The following CA5A variants were observed in gnomAD, a reference collection of about 807,000 sequenced individuals.
CA5A encodes carbonic anhydrase 5A.
In CA5A, 28 loss-of-function variants were observed where a neutral mutation model predicts 37.1. The ratio of observed to expected loss-of-function variants is 0.75; its 90% CI spans 0.56 to 1.03. CA5A has a LOEUF of 1.03. Ranked by LOEUF, CA5A falls within the 50% of genes least tolerant of loss-of-function variation. The pLI is 0.00. For synonymous variants in CA5A, 171 were observed against 158.4 expected (o/e 1.08, Z -0.60); for missense variants, 444 against 399.9 (o/e 1.11, Z -0.94).
At chr16:87,915,658 C>T (rs551899427) in intron 2 of CA5A, among the ~76,000 whole-genome samples, 4 of 116,724 alleles carry the variant, frequency 3.4e-5, no homozygotes, top group East Asian at 5.2e-4. Flanking sequence ...CACTGCACTG[C>T]AGCCTGGGCG....
intron 1 of CA5A, among the ~76,000 whole-genome samples, chr16:87,933,236 G>A (rs1320184985): frequency 1.3e-5 from 2 of 152,346 alleles, no homozygotes; most frequent in Admixed American, 1.3e-4. Flanking sequence ...GATTTCTAGG[G>A]TTTGCCAATG....
chr16:87,907,693 G>C (rs1047522857), intron 2 of CA5A, among the ~76,000 whole-genome samples: 2 of 152,182 alleles, frequency 1.3e-5, no homozygotes, highest in African/African-American at 4.8e-5. Context: ...GGGAGGCCAA[G>C]GTAGGCAGAT....
At chr16:87,888,422 A>C (rs2055668360) in intron 6 of CA5A, 150 bp from the exon 7 acceptor site, 3 of 697,408 alleles carry the variant, frequency 4.3e-6, no homozygotes, top group Non-Finnish European at 7.1e-6. Context: ...TGGTGTGTGC[A>C]GGGCCAGATT....
At chr16:87,929,651 T>C (rs1334614834) in intron 1 of CA5A, among the ~76,000 whole-genome samples, 3 of 151,500 alleles carry the variant, frequency 2.0e-5, no homozygotes, top group Non-Finnish European at 4.4e-5. Context: ...GGTGGGCGGA[T>C]CACGAGGTCA....
rs34703994 is a variant in CA5A, at chr16:87,915,158, C to T, written c.341-10254G>A. ...ACGTCCGACCACACTCGCCTTTGAT[C>T]GCATTTATCACTGGGGATCCAGAGG... On this transcript the variant is annotated intron_variant, in intron 2 of 6. Coordinates refer to ENST00000649794, the MANE Select transcript of CA5A (RefSeq NM_001739.2). 2.3e-3 allele frequency among the ~76,000 whole-genome samples: 350 copies of T among 152,316 alleles called. 2 individuals carry two copies. Among genetic ancestry groups the T allele is most frequent in the African/African-American group, 7.9e-3 (327 of 41,578 alleles).
intron 3 of CA5A, among the ~76,000 whole-genome samples, chr16:87,903,590 T>C (rs1459726521): frequency 6.6e-6 from 1 of 152,266 alleles, no homozygotes; most frequent in East Asian, 1.9e-4. Flanking sequence ...AATATGTGTA[T>C]GATGATGACA....
chr16:87,930,459 C>T (rs892634525), intron 1 of CA5A, among the ~76,000 whole-genome samples: 3 of 152,128 alleles, frequency 2.0e-5, no homozygotes, highest in African/African-American at 7.2e-5. Flanking sequence ...AAGGACCTCC[C>T]CCCTCCGGAC....
chr16:87,911,893 T>C lies in CA5A; in HGVS notation c.341-6989A>G, dbSNP rs574527166. Among the ~76,000 whole-genome samples, 7 of 152,298 alleles carry C rather than the reference T, an allele frequency of 4.6e-5. No individual in the cohort carries two copies. Among genetic ancestry groups the C allele is most frequent in the East Asian group, 3.9e-4 (2 of 5,188 alleles). The stretch of plus-strand genomic sequence containing the variant: ...CTACTTCAGGGGCCCATGGCAAGGA[T>C]TGAGTACGGTGATGCTTACAAAGTA... On this transcript the variant is annotated intron_variant, in intron 2 of 6. Transcript: ENST00000649794. The surrounding 1 kb of genome is among the most constrained non-coding windows in gnomAD (Gnocchi z 4.6).
At chr16:87,935,012 G>A (rs114176523) in intron 1 of CA5A, among the ~76,000 whole-genome samples, 1 of 152,212 alleles carries the variant, frequency 6.6e-6, no homozygotes, top group African/African-American at 2.4e-5. Flanking sequence ...TACACGCATC[G>A]TGTCATCCTT....
intron 1 of CA5A, among the ~76,000 whole-genome samples, chr16:87,928,181 C>T (rs866207484): frequency 3.3e-5 from 5 of 152,136 alleles, no homozygotes; most frequent in East Asian, 1.9e-4. Context: ...TGGAATAGTG[C>T]GTTTTTGAGA....
In CA5A at chr16:87,911,348, C is replaced by T. The variant is rs1485255132; in HGVS notation, c.341-6444G>A. On this transcript the variant is annotated intron_variant, in intron 2 of 6. Coordinates refer to ENST00000649794, the MANE Select transcript of CA5A (RefSeq NM_001739.2). This position sits in a 1 kb window ranked among gnomAD's most constrained non-coding sequence, Gnocchi z 4.6. ...GATGACGTTTGGGGCCGGCTCCAGG[C>T]TGTGACGTGCTGGCCCCAGAGAATA... Among the ~76,000 whole-genome samples, 5 of 152,186 alleles carry T rather than the reference C, an allele frequency of 3.3e-5. No homozygotes were observed. Among genetic ancestry groups the T allele is most frequent in the African/African-American group, 4.8e-5 (2 of 41,442 alleles).
intron 2 of CA5A, among the ~76,000 whole-genome samples, chr16:87,910,110 C>T (rs905125524): frequency 1.3e-5 from 2 of 152,184 alleles, no homozygotes; most frequent in Non-Finnish European, 2.9e-5. Context: ...CAAAAAACAA[C>T]GAACTGGAAG....
At chr16:87,931,546 T>C (rs1327211871) in intron 1 of CA5A, among the ~76,000 whole-genome samples, 2 of 152,222 alleles carry the variant, frequency 1.3e-5, no homozygotes, top group Non-Finnish European at 2.9e-5. Flanking sequence ...CCAGTCTCAG[T>C]TTCTATATCT....
intron 2 of CA5A, among the ~76,000 whole-genome samples, chr16:87,919,776 T>G (rs74493726): frequency 0.21 from 31,242 of 151,896 alleles, 3,462 homozygotes; most frequent in South Asian, 0.39. Flanking sequence ...CCAGGCTGCA[T>G]GGACAAGAGA....
In CA5A at chr16:87,936,190, A is replaced by C. The variant is rs1381289656; in HGVS notation, c.142+119T>G. On this transcript the variant is annotated intron_variant, in intron 1 of 6. Coordinates refer to ENST00000649794, the MANE Select transcript of CA5A (RefSeq NM_001739.2). ...CCATCTTAAAAAAAAAAAAAAAAAA[A>C]CGGAGTGGAAATCTGAACCCATCTG... 15 of 650,954 alleles carry C rather than the reference A, an allele frequency of 2.3e-5. No homozygotes were observed. In the Middle Eastern group the frequency reaches 7.9e-4, roughly 34 times the overall value. 40.3% of individuals were successfully genotyped at this position (650,954 alleles called of 1,614,324 possible).
intron 5 of CA5A, chr16:87,892,231 G>A: frequency 3.4e-6 from 1 of 298,470 alleles, no homozygotes; most frequent in Non-Finnish European, 6.2e-6. Context: ...GTCATTTCTT[G>A]GGGCGCAGTA....
At chr16:87,906,097 G>A (rs773042537) in intron 2 of CA5A, among the ~76,000 whole-genome samples, 9 of 152,232 alleles carry the variant, frequency 5.9e-5, no homozygotes, top group Non-Finnish European at 1.2e-4. Context: ...TGGGGTACCC[G>A]TTCCACACGT....
At chr16:87,909,776 C>T (rs560759223) in intron 2 of CA5A, among the ~76,000 whole-genome samples, 1 of 152,268 alleles carries the variant, frequency 6.6e-6, no homozygotes, top group South Asian at 2.1e-4. Flanking sequence ...CCGCGAAGAC[C>T]GCCCACCAGC....
At chr16:87,893,286 A>C in intron 5 of CA5A, 1 of 366,038 alleles carries the variant, frequency 2.7e-6, no homozygotes, top group Non-Finnish European at 5.1e-6. Flanking sequence ...CGCCATCGCG[A>C]CCAGCTAATT....
Sources: allele counts gnomAD v4.1 joint callset (sites outside exome capture counted in the v4.1 genomes callset), GRCh38; gene constraint gnomAD v4.1.1; non-coding constraint Gnocchi (gnomAD v3.1); transcripts MANE v1.5; gene names NCBI Gene and HGNC (gene_info 2026-07-23, HGNC 2026-07-21).